The following AGO2 variants were observed in gnomAD, a reference collection of about 807,000 sequenced individuals.
AGO2 encodes argonaute RISC catalytic component 2, also known as protein argonaute-2.
Under a neutral mutation model 102.3 loss-of-function variants are expected in AGO2, and 5 were observed. The observed-to-expected ratio is 0.05, with a 90% CI of 0.03 to 0.10. The LOEUF (loss-of-function observed/expected upper bound fraction) is 0.10. Ranked by LOEUF, AGO2 falls within the 10% of genes least tolerant of loss-of-function variation. The pLI is 1.00. For synonymous variants in AGO2, 449 were observed against 473.1 expected (o/e 0.95, Z 0.66); for missense variants, 541 against 1,183.7 (o/e 0.46, Z 7.97).
chr8:140,599,130 C>T (rs533159354), intron 1 of AGO2, among the ~76,000 whole-genome samples: 1 of 152,344 alleles, frequency 6.6e-6, no homozygotes, highest in East Asian at 1.9e-4. Context: ...TAAAATCCGG[C>T]AGGATGCACC....
chr8:140,528,922 G>C lies in AGO2; in HGVS notation c.*3122C>G, dbSNP rs1441400985. 6.6e-6 allele frequency: 1 copy of C among 152,204 alleles called. No individual in the cohort carries two copies. Among genetic ancestry groups the C allele is most frequent in the Non-Finnish European group, 1.5e-5 (1 of 68,038 alleles). 9.4% of individuals were successfully genotyped at this position (152,204 alleles called of 1,614,324 possible). ...CAGCAAGAACTTGTCAAATGTGATA[G>C]GGTAGTGGTAAAAGGATGGGAGTAC... On this transcript the variant is annotated 3_prime_UTR_variant, in exon 19 of 19. Coordinates refer to ENST00000220592, the MANE Select transcript of AGO2 (RefSeq NM_012154.5). The surrounding 1 kb of genome is among the most constrained non-coding windows in gnomAD (Gnocchi z 4.5).
At chr8:140,578,347 G>A (rs1047730814) in intron 2 of AGO2, among the ~76,000 whole-genome samples, 12 of 152,172 alleles carry the variant, frequency 7.9e-5, no homozygotes, top group East Asian at 7.7e-4. Flanking sequence ...TCAGTTCAGC[G>A]GCATTGAGTG....
rs75619471 is a variant in AGO2 at position 140,599,691 on chromosome 8, C to T, written c.23-14380G>A. On this transcript the variant is annotated intron_variant, in intron 1 of 18. Coordinates refer to ENST00000220592, the MANE Select transcript of AGO2 (RefSeq NM_012154.5). ...CCTTATATGATCTACATCTCTTCACCTGTCTGGAAATCAAGACCCTCTCAC... is the reference window on the plus strand; with the variant it reads ...CCTTATATGATCTACATCTCTTCACTTGTCTGGAAATCAAGACCCTCTCAC... Among the ~76,000 whole-genome samples, 317 of 152,320 alleles carry T rather than the reference C, an allele frequency of 2.1e-3. 3 individuals are homozygous for T. The highest frequency in any genetic ancestry group is 7.3e-3 in the African/African-American group (302 of 41,570).
intron 1 of AGO2, among the ~76,000 whole-genome samples, chr8:140,588,972 A>G (rs1202608294): frequency 1.3e-5 from 2 of 152,254 alleles, no homozygotes; most frequent in African/African-American, 4.8e-5. Flanking sequence ...AAAAATAGTG[A>G]ATGAGTAATC....
At chr8:140,535,345 T>C in intron 17 of AGO2, 123 bp downstream of exon 17, 1 of 985,970 alleles carries the variant, frequency 1.0e-6, no homozygotes, top group Non-Finnish European at 1.6e-6. Flanking sequence ...GGTTCCCTGG[T>C]ACTGCCTGTG....
At position 140,531,932 on chromosome 8, in the gene AGO2, G is replaced by C; in HGVS notation, c.*112C>G. 1.1e-6 allele frequency: 1 copy of C among 893,678 alleles called. No individual in the cohort carries two copies. The highest frequency in any genetic ancestry group is 1.8e-6 in the Non-Finnish European group (1 of 565,452). 55.4% of individuals were successfully genotyped at this position (893,678 alleles called of 1,614,324 possible). A position where few individuals can be genotyped will look rare whatever the true frequency, so the allele number is the denominator to read the frequency against. ...AAACGGAGAATCTAATAAAATCAAT[G>C]ACGTCTCATGTTCGATGCTGGCTGT... On this transcript the variant is annotated 3_prime_UTR_variant, in exon 19 of 19. Transcript: ENST00000220592.
chr8:140,577,471 T>C (rs1006919066), intron 2 of AGO2, among the ~76,000 whole-genome samples: 4 of 152,164 alleles, frequency 2.6e-5, no homozygotes, highest in South Asian at 2.1e-4. Flanking sequence ...TTAAAGATCA[T>C]AGGCCTACAT....
intron 1 of AGO2, among the ~76,000 whole-genome samples, chr8:140,594,155 A>G (rs2073787526): frequency 6.6e-6 from 1 of 152,066 alleles, no homozygotes; most frequent in Non-Finnish European, 1.5e-5. Flanking sequence ...AACCATCACC[A>G]TCTCCCTGAA....
At chr8:140,581,204 A>G (rs768340542) in intron 2 of AGO2, among the ~76,000 whole-genome samples, 11 of 152,214 alleles carry the variant, frequency 7.2e-5, no homozygotes, top group Non-Finnish European at 1.5e-4. Flanking sequence ...GGAGTTTGAG[A>G]CCAGCCTGGG....
rs548029889 is a variant in AGO2 at position 140,567,853 on chromosome 8, T to C, written c.336+4959A>G. ...TCTAAAGAATGCAAAGAGGCCAGCCTGGGGCTCACGCCTGTAATCCCAGTA... is the reference window on the plus strand; with the variant it reads ...TCTAAAGAATGCAAAGAGGCCAGCCCGGGGCTCACGCCTGTAATCCCAGTA... On this transcript the variant is annotated intron_variant, in intron 3 of 18. Coordinates refer to ENST00000220592, the MANE Select transcript of AGO2 (RefSeq NM_012154.5). This position sits in a 1 kb window ranked among gnomAD's most constrained non-coding sequence, Gnocchi z 5.0. 3.3e-5 allele frequency among the ~76,000 whole-genome samples: 5 copies of C among 152,242 alleles called. No homozygotes were observed. In the East Asian group the frequency reaches 9.7e-4, roughly 29 times the overall value.
At chr8:140,544,409 T>C in intron 13 of AGO2, 106 bp from the exon 14 acceptor site, 2 of 888,268 alleles carry the variant, frequency 2.3e-6, no homozygotes, top group Non-Finnish European at 3.4e-6. Flanking sequence ...ATCATGGTAA[T>C]GCTTTTGAAA....
At chr8:140,536,190 G>T (rs2072693450) in intron 16 of AGO2, among the ~76,000 whole-genome samples, 1 of 152,214 alleles carries the variant, frequency 6.6e-6, no homozygotes, top group Non-Finnish European at 1.5e-5. Flanking sequence ...ATGCAGGCAT[G>T]GCCACGCCAG....
In AGO2 at chr8:140,528,836, GC is replaced by G. The variant is rs1279038189; in HGVS notation, c.*3207del. 2 of 152,182 alleles carry G rather than the reference GC, an allele frequency of 1.3e-5. No homozygotes were observed. Among genetic ancestry groups the G allele is most frequent in the Non-Finnish European group, 2.9e-5 (2 of 68,048 alleles). The allele number at this position is 152,182 out of a possible 1,614,324, so 9.4% of individuals were successfully genotyped here. A position where few individuals can be genotyped will look rare whatever the true frequency, so the allele number is the denominator to read the frequency against. ...GACGGTGGCTTTGCGTCACCGAAGGGCTCACACACGAGGGCAGCTTTCCACC... is the reference window on the plus strand; with the variant it reads ...GACGGTGGCTTTGCGTCACCGAAGGGTCACACACGAGGGCAGCTTTCCACC... On this transcript the variant is annotated 3_prime_UTR_variant, in exon 19 of 19. Transcript: ENST00000220592. The surrounding 1 kb of genome is among the most constrained non-coding windows in gnomAD (Gnocchi z 4.5).
In AGO2 at chr8:140,562,497, C is replaced by T. The variant is rs758897861; in HGVS notation, c.474G>A (p.Thr158=). 65 of 1,613,670 alleles carry T rather than the reference C, an allele frequency of 4.0e-5. No homozygotes were observed. The highest frequency in any genetic ancestry group is 5.0e-5 in the Non-Finnish European group (59 of 1,180,012). ...SGRLPSVPFE[T]IQALDVVMRH... ...TCATGACCACGTCCAGGGCCTGGAT[C>T]GTCTCAAAAGGGACGCTGGGCAGCC... The change falls in exon 4 of 19, where the codon ACG becomes ACA. Residue 158 remains threonine (T), a synonymous_variant. Coordinates refer to ENST00000220592, the MANE Select transcript of AGO2 (RefSeq NM_012154.5).
chr8:140,563,812 G>A (rs1372976685), intron 3 of AGO2, among the ~76,000 whole-genome samples: 2 of 152,210 alleles, frequency 1.3e-5, no homozygotes, highest in Non-Finnish European at 2.9e-5. Flanking sequence ...GGTGGCACCA[G>A]GCACATTTGC....
At chr8:140,532,242 C>A (rs751773038) in intron 18 of AGO2, 90 bp from the exon 19 acceptor site, 21 of 1,437,162 alleles carry the variant, frequency 1.5e-5, no homozygotes, top group African/African-American at 5.6e-5. Context: ...GATGGCATGG[C>A]GGGAACCTGG....
intron 14 of AGO2, 161 bp from the exon 15 acceptor site, chr8:140,541,519 A>T (rs1250233868): frequency 3.1e-6 from 2 of 642,668 alleles, no homozygotes; most frequent in Non-Finnish European, 5.1e-6. Context: ...CTCAGCCTTT[A>T]GGCTTTTGGT....
At chr8:140,558,430 T>C in intron 7 of AGO2, 55 bp downstream of exon 7, 1 of 1,556,746 alleles carries the variant, frequency 6.4e-7, no homozygotes, top group Non-Finnish European at 8.9e-7. Flanking sequence ...AGTGTGCCCG[T>C]CGGAGTGACA....
In AGO2 at chr8:140,520,354, CAGTA is replaced by C. The variant is rs2072395552; in HGVS notation, c.*11686_*11689del. 6.6e-6 allele frequency: 1 copy of C among 152,144 alleles called. No individual in the cohort carries two copies. Among genetic ancestry groups the C allele is most frequent in the Non-Finnish European group, 1.5e-5 (1 of 68,018 alleles). The allele number at this position is 152,144 out of a possible 1,614,324, so 9.4% of individuals were successfully genotyped here. ...CTTTTAGTATTAGTTTATATACACA[CAGTA>C]AGAAACAAAACAAGTAACTGTTAGG... On this transcript the variant is annotated 3_prime_UTR_variant, in exon 19 of 19. Coordinates refer to ENST00000220592, the MANE Select transcript of AGO2 (RefSeq NM_012154.5).
Sources: allele counts gnomAD v4.1 joint callset (sites outside exome capture counted in the v4.1 genomes callset), GRCh38; gene constraint gnomAD v4.1.1; non-coding constraint Gnocchi (gnomAD v3.1); transcripts MANE v1.5; gene names NCBI Gene and HGNC (gene_info 2026-07-23, HGNC 2026-07-21).